SLC25A23: variants seen among roughly 807,000 people sequenced by gnomAD.
SLC25A23 encodes the protein mitochondrial adenyl nucleotide antiporter SLC25A23.
In SLC25A23, 32 loss-of-function variants were observed where a neutral mutation model predicts 53.9. The observed-to-expected ratio is 0.59, with a 90% CI of 0.45 to 0.80. The LOEUF (loss-of-function observed/expected upper bound fraction) is 0.80. SLC25A23 is among the 30% of genes least tolerant of loss of function. The pLI is 0.00. For synonymous variants in SLC25A23, 275 were observed against 264.5 expected, an observed-to-expected ratio of 1.04 and a Z score of -0.38; for missense variants, 575 against 651.4, an observed-to-expected ratio of 0.88 and a Z score of 1.28.
At chr19:6,444,758 C>T (rs1364953901) in intron 8 of SLC25A23, among the ~76,000 whole-genome samples, 1 of 151,942 alleles carries the variant, frequency 6.6e-6, no homozygotes, top group African/African-American at 2.4e-5. Flanking sequence ...ATCTCCACCT[C>T]CCTGGTTCAA....
intron 9 of SLC25A23, chr19:6,443,673 A>G (rs2092460047): frequency 2.9e-6 from 2 of 695,732 alleles, no homozygotes; most frequent in East Asian, 5.4e-5. Context: ...TGAAAATCAC[A>G]AAACACAAAC....
chr19:6,441,873 G>A lies in SLC25A23; in HGVS notation c.*102C>T. 9.0e-7 allele frequency: 1 copy of A among 1,112,008 alleles called. No individual in the cohort carries two copies. 68.9% of individuals were successfully genotyped at this position (1,112,008 alleles called of 1,614,324 possible). ...GTCTAGGATCCAGGATCTGGGTACT[G>A]GGATCTCGTGGCCAAAGAGTAGGGA... On this transcript the variant is annotated 3_prime_UTR_variant, in exon 10 of 10. Coordinates refer to ENST00000301454, the MANE Select transcript of SLC25A23 (RefSeq NM_024103.3).
chr19:6,458,139 T>C, intron 2 of SLC25A23, 59 bp downstream of exon 2: 1 of 1,581,966 alleles, frequency 6.3e-7, no homozygotes. Context: ...CCCACTGATG[T>C]CTCTAGGGCC....
At chr19:6,455,880 G>A (rs918477972) in intron 4 of SLC25A23, 6 of 530,168 alleles carry the variant, frequency 1.1e-5, no homozygotes, top group South Asian at 5.6e-5. Flanking sequence ...CACTACACCT[G>A]GCTCATTTTT....
chr19:6,444,150 C>T lies in SLC25A23; in HGVS notation c.1222+1G>A. The T allele has an allele frequency of 6.3e-7, 1 of 1,576,476 alleles. No homozygotes were observed. The highest frequency in any genetic ancestry group is 8.6e-7 in the Non-Finnish European group (1 of 1,158,440). On this transcript the variant is annotated splice_donor_variant, in intron 9 of 9. Transcript: ENST00000301454. LOFTEE classifies it high-confidence loss of function. ...GCCCCATCCTCCCGCCCAGGCCTCA[C>T]CTTGTGCCTGCATGCGGGTCCGGAC... is the stretch of plus-strand genomic sequence containing the variant.
At chr19:6,450,222 TC>T (rs989309083) in intron 8 of SLC25A23, among the ~76,000 whole-genome samples, 1 of 151,236 alleles carries the variant, frequency 6.6e-6, no homozygotes, top group East Asian at 1.9e-4. Flanking sequence ...CCCTGATCAG[TC>T]CCCCCCAGAC....
intron 3 of SLC25A23, among the ~76,000 whole-genome samples, chr19:6,456,827 A>C (rs1345971592): frequency 6.6e-6 from 1 of 151,556 alleles, no homozygotes; most frequent in Non-Finnish European, 1.5e-5. Context: ...CTACAGGTGC[A>C]CACCACCATG....
rs2144812115 is a variant in SLC25A23 at position 6,444,143 on chromosome 19, G to A, written c.1222+8C>T. The stretch of plus-strand genomic sequence containing the variant: ...TCCCCCTGCCCCATCCTCCCGCCCA[G>A]GCCTCACCTTGTGCCTGCATGCGGG... On this transcript the variant is annotated splice_region_variant and intron_variant, in intron 9 of 9. Transcript: ENST00000301454. 6.4e-7 allele frequency: 1 copy of A among 1,566,080 alleles called. No homozygotes were observed. The highest frequency in any genetic ancestry group is 2.3e-5 in the East Asian group (1 of 43,356).
rs2092721762 is a variant in SLC25A23, at chr19:6,459,039, A to T, written c.156+434T>A. Among the ~76,000 whole-genome samples the T allele has an allele frequency of 6.6e-6, 1 of 152,204 alleles. No individual in the cohort carries two copies. The highest frequency in any genetic ancestry group is 1.5e-5 in the Non-Finnish European group (1 of 68,020). On this transcript the variant is annotated intron_variant, in intron 1 of 9. Transcript: ENST00000301454. The surrounding 1 kb of genome is among the most constrained non-coding windows in gnomAD (Gnocchi z 4.6). ...GAGCCAGGCCCGTGAACGGCCCATG[A>T]AAGGGCAGGCCAGGGAATGTAAACA... is the stretch of plus-strand genomic sequence containing the variant.
Position 6,459,689 on chromosome 19 carries a change from C to T in SLC25A23, c.-61G>A. The T allele has an allele frequency of 8.1e-7, 1 of 1,231,406 alleles. No homozygotes were observed. The highest frequency in any genetic ancestry group is 1.0e-6 in the Non-Finnish European group (1 of 983,820). The allele number at this position is 1,231,406 out of a possible 1,614,324, so 76.3% of individuals were successfully genotyped here. A position where few individuals can be genotyped will look rare whatever the true frequency, so the allele number is the denominator to read the frequency against. ...GGCGGCCTCAGTGGGGGCTTCGCGG[C>T]TCCCCCTCCCCCCCCGGGACCCCGC... is the stretch of plus-strand genomic sequence containing the variant. On this transcript the variant is annotated 5_prime_UTR_variant, in exon 1 of 10. Transcript: ENST00000301454. The surrounding 1 kb of genome is among the most constrained non-coding windows in gnomAD (Gnocchi z 4.6).
Position 6,454,205 on chromosome 19 carries a change from A to C in SLC25A23, c.796-117T>G. ...GCTGCAGGCATTCATGCAGAGGAGCAGATGCCTGATCCTGGGGACCTGTGT... is the reference window on the plus strand; with the variant it reads ...GCTGCAGGCATTCATGCAGAGGAGCCGATGCCTGATCCTGGGGACCTGTGT... On this transcript the variant is annotated intron_variant, in intron 6 of 9. Transcript: ENST00000301454. This position sits in a 1 kb window ranked among gnomAD's most constrained non-coding sequence, Gnocchi z 4.3. 2 of 1,507,754 alleles carry C rather than the reference A, an allele frequency of 1.3e-6. No homozygotes were observed. Among genetic ancestry groups the C allele is most frequent in the Non-Finnish European group, 9.0e-7 (1 of 1,110,760 alleles). 93.4% of individuals were successfully genotyped at this position (1,507,754 alleles called of 1,614,324 possible). A position where few individuals can be genotyped will look rare whatever the true frequency, so the allele number is the denominator to read the frequency against.
downstream of SLC25A23, among the ~76,000 whole-genome samples, chr19:6,438,029 C>T (rs1020836760): frequency 2.1e-5 from 3 of 142,610 alleles, no homozygotes; most frequent in Non-Finnish European, 3.0e-5. Context: ...GAGCCGAGAT[C>T]GTGCCACTGC....
chr19:6,455,146 C>T (rs985453310), intron 4 of SLC25A23, among the ~76,000 whole-genome samples: 10 of 152,094 alleles, frequency 6.6e-5, no homozygotes, highest in Admixed American at 2.6e-4. Flanking sequence ...CGGGCATGTG[C>T]CTGTAGTCCC....
intron 3 of SLC25A23, among the ~76,000 whole-genome samples, chr19:6,457,294 T>C (rs1161860365): frequency 6.6e-6 from 1 of 151,732 alleles, no homozygotes; most frequent in Non-Finnish European, 1.5e-5. Context: ...CCCCAACTCC[T>C]GACCTCAGGT....
chr19:6,445,845 A>C (rs1355174465), intron 8 of SLC25A23, among the ~76,000 whole-genome samples: 1 of 152,074 alleles, frequency 6.6e-6, no homozygotes, highest in Non-Finnish European at 1.5e-5. Flanking sequence ...TGAGCCCAGG[A>C]GCCTGAGACC....
At chr19:6,443,466 G>A in intron 9 of SLC25A23, 1 of 600,798 alleles carries the variant, frequency 1.7e-6, no homozygotes, top group South Asian at 1.9e-5. Context: ...GGACTCAAAT[G>A]ATCCTTCCTC....
chr19:6,456,930 G>A (rs941008169), intron 3 of SLC25A23, among the ~76,000 whole-genome samples: 5 of 151,818 alleles, frequency 3.3e-5, no homozygotes, highest in Admixed American at 2.6e-4. Flanking sequence ...CACCTGCCTC[G>A]GCCTTCCAAA....
intron 7 of SLC25A23, 68 bp from the exon 8 acceptor site, chr19:6,452,547 C>G: frequency 6.6e-7 from 1 of 1,518,704 alleles, no homozygotes; most frequent in East Asian, 2.3e-5. Context: ...AATGAAGACA[C>G]CTAGAAATAG....
downstream of SLC25A23, chr19:6,438,045 A>AG (rs1491120667): frequency 9.8e-6 from 1 of 102,300 alleles, no homozygotes; most frequent in East Asian, 3.2e-4. Flanking sequence ...ACTGCACTCC[A>AG]AAAAAAAAAA....
Sources: gnomAD v4.1 joint callset for allele counts (sites outside exome capture counted in the v4.1 genomes callset) on GRCh38, gnomAD v4.1.1 for gene constraint, Gnocchi (gnomAD v3.1) non-coding constraint, MANE v1.5 for transcripts, NCBI Gene and HGNC (gene_info 2026-07-23, HGNC 2026-07-21) for gene names.